Variants in SCHIP1 observed in about 807,000 individuals in gnomAD.
SCHIP1 encodes the protein schwannomin-interacting protein 1.
Under a neutral mutation model 29.7 loss-of-function variants are expected in SCHIP1, and 8 were observed. The ratio of observed to expected loss-of-function variants is 0.27; its 90% confidence interval spans 0.16 to 0.49. The LOEUF is 0.49. SCHIP1 is among the 20% of genes least tolerant of loss of function. The pLI is 0.99. For synonymous variants in SCHIP1, 76 were observed against 94.9 expected (o/e 0.80, Z 1.16); for missense variants, 193 against 294.6 (o/e 0.66, Z 2.52).
the SCHIP1 span, chr3:159,398,892 G>A: frequency 1.9e-5 from 16 of 857,054 alleles, no homozygotes; most frequent in Non-Finnish European, 2.1e-5. Flanking sequence ...AAGTAGAAAC[G>A]TCCTGCAGAC....
chr3:159,503,448 ATT>A, the SCHIP1 span, among the ~76,000 whole-genome samples: 1 of 152,062 alleles, frequency 6.6e-6, no homozygotes, highest in Non-Finnish European at 1.5e-5. Flanking sequence ...TATACATACT[ATT>A]TTTTTCAATA....
intron 2 of SCHIP1, among the ~76,000 whole-genome samples, chr3:159,884,051 A>C (rs1322437570): frequency 6.6e-6 from 1 of 152,150 alleles, no homozygotes; most frequent in Admixed American, 6.5e-5. Flanking sequence ...CATTTTTATA[A>C]TCTGTGTATC....
At chr3:159,792,241 C>T in the SCHIP1 span, among the ~76,000 whole-genome samples, 1 of 152,124 alleles carries the variant, frequency 6.6e-6, no homozygotes, top group Non-Finnish European at 1.5e-5. Context: ...CCAGGCTGTG[C>T]CTCAAAGGTA....
At chr3:159,399,969 A>G in the SCHIP1 span, among the ~76,000 whole-genome samples, 17 of 152,302 alleles carry the variant, frequency 1.1e-4, no homozygotes, top group Middle Eastern at 3.4e-3. Flanking sequence ...TCACCTGGGC[A>G]TATTTTAAAA....
chr3:159,483,896 TAAGTGG>T, the SCHIP1 span, among the ~76,000 whole-genome samples: 5 of 152,282 alleles, frequency 3.3e-5, no homozygotes, highest in East Asian at 9.7e-4. Flanking sequence ...GATGATGTGA[TAAGTGG>T]AAGTAAAACA....
chr3:159,509,202 G>A, the SCHIP1 span, among the ~76,000 whole-genome samples: 1 of 152,178 alleles, frequency 6.6e-6, no homozygotes, highest in Non-Finnish European at 1.5e-5. Flanking sequence ...TTGTTGAATT[G>A]ATCCCTTTAC....
chr3:159,296,341 A>G, the SCHIP1 span, among the ~76,000 whole-genome samples: 1 of 152,210 alleles, frequency 6.6e-6, no homozygotes, highest in Non-Finnish European at 1.5e-5. Context: ...AAAATTGCAT[A>G]TATTTAAGGT....
chr3:159,311,330 G>A, the SCHIP1 span, among the ~76,000 whole-genome samples: 1 of 152,132 alleles, frequency 6.6e-6, no homozygotes, highest in East Asian at 1.9e-4. Flanking sequence ...AGAATATTTT[G>A]CATCAGTTTG....
At chr3:159,429,193 A>G in the SCHIP1 span, among the ~76,000 whole-genome samples, 2 of 147,818 alleles carry the variant, frequency 1.4e-5, no homozygotes, top group Admixed American at 1.4e-4. Context: ...CTTAAAGTAT[A>G]ATAATAATAA....
chr3:159,516,705 C>CT, the SCHIP1 span, among the ~76,000 whole-genome samples: 1 of 152,138 alleles, frequency 6.6e-6, no homozygotes, highest in African/African-American at 2.4e-5. Flanking sequence ...TGACACGAAT[C>CT]TTTTTTTCCA....
chr3:159,472,886 G>A, the SCHIP1 span, among the ~76,000 whole-genome samples: 3 of 152,214 alleles, frequency 2.0e-5, no homozygotes, highest in Admixed American at 1.3e-4. Context: ...CATATGTGGA[G>A]TCACACAGTG....
chr3:159,728,135 C>T, the SCHIP1 span, among the ~76,000 whole-genome samples: 1 of 151,944 alleles, frequency 6.6e-6, no homozygotes, highest in Non-Finnish European at 1.5e-5. Context: ...GATTGTCTTA[C>T]TAGTACCTTA....
At chr3:159,379,163 G>A in the SCHIP1 span, among the ~76,000 whole-genome samples, 1 of 151,924 alleles carries the variant, frequency 6.6e-6, no homozygotes, top group Non-Finnish European at 1.5e-5. Context: ...ATGCATAAAT[G>A]GAGTGATATA....
At chr3:159,364,086 T>C in the SCHIP1 span, among the ~76,000 whole-genome samples, 4 of 152,170 alleles carry the variant, frequency 2.6e-5, no homozygotes, top group African/African-American at 9.6e-5. Context: ...AAAATACAGA[T>C]TTTGATAACT....
At chr3:159,388,628 G>GGAACATTGA in the SCHIP1 span, among the ~76,000 whole-genome samples, 14 of 152,186 alleles carry the variant, frequency 9.2e-5, no homozygotes, top group African/African-American at 3.1e-4. Context: ...GTGAAAAAGA[G>GGAACATTGA]GAACATTGAG....
the SCHIP1 span, among the ~76,000 whole-genome samples, chr3:159,317,712 G>A: frequency 1.8e-4 from 28 of 152,308 alleles, no homozygotes; most frequent in African/African-American, 3.6e-4. Context: ...GCCCACTGGC[G>A]CACTTCTTTA....
At chr3:159,565,225 G>A in the SCHIP1 span, among the ~76,000 whole-genome samples, 884 of 152,238 alleles carry the variant, frequency 5.8e-3, 15 homozygotes, top group African/African-American at 0.02. Context: ...AGTTAGCATA[G>A]CTTACTTTAT....
At chr3:159,357,577 A>G in the SCHIP1 span, among the ~76,000 whole-genome samples, 3 of 152,190 alleles carry the variant, frequency 2.0e-5, no homozygotes, top group Non-Finnish European at 4.4e-5. Context: ...ACCTAATCAA[A>G]GATCATGAAT....
chr3:159,293,118 A>G, the SCHIP1 span, among the ~76,000 whole-genome samples: 1 of 152,238 alleles, frequency 6.6e-6, no homozygotes. Context: ...GATAACCAAT[A>G]ATTAAAACAA....
Sources: allele counts gnomAD v4.1 joint callset (sites outside exome capture counted in the v4.1 genomes callset), GRCh38; gene constraint gnomAD v4.1.1; transcripts MANE v1.5; gene names NCBI Gene and HGNC (gene_info 2026-07-23, HGNC 2026-07-21).